Variants in THSD7B observed in about 807,000 individuals in gnomAD.
THSD7B encodes the protein thrombospondin type-1 domain-containing protein 7B.
Under a neutral mutation model 213.6 loss-of-function variants are expected in THSD7B, and 138 were observed. The observed-to-expected ratio is 0.65, with a 90% CI of 0.56 to 0.74. THSD7B has a LOEUF of 0.74. Ranked by LOEUF, THSD7B falls within the 30% of genes least tolerant of loss-of-function variation. THSD7B has a pLI of 0.00. For synonymous variants in THSD7B, 742 were observed against 687.0 expected (o/e 1.08, Z -1.25); for missense variants, 1,931 against 1,991.5 (o/e 0.97, Z 0.58).
chr2:137,477,890 G>A (rs1328465070), intron 15 of THSD7B, among the ~76,000 whole-genome samples: 2 of 151,464 alleles, frequency 1.3e-5, no homozygotes, highest in Admixed American at 1.3e-4. Flanking sequence ...TTTTCTTTCA[G>A]CATTTTGAAT....
chr2:137,267,957 C>T (rs1682635685), intron 10 of THSD7B, among the ~76,000 whole-genome samples: 1 of 152,138 alleles, frequency 6.6e-6, no homozygotes, highest in African/African-American at 2.4e-5. Flanking sequence ...TGGCCTTTGC[C>T]CATCTTCTCT....
chr2:137,061,145 T>C (rs1181493052), intron 3 of THSD7B, among the ~76,000 whole-genome samples: 1 of 151,886 alleles, frequency 6.6e-6, no homozygotes, highest in Non-Finnish European at 1.5e-5. Context: ...ATTGCAATTG[T>C]GCATTGCTGG....
intron 1 of THSD7B, among the ~76,000 whole-genome samples, chr2:136,804,956 C>A (rs901379899): frequency 6.6e-6 from 1 of 152,054 alleles, no homozygotes; most frequent in African/African-American, 2.4e-5. Context: ...TGGAGTTGGG[C>A]AACACAGGTC....
chr2:136,875,991 T>A (rs556981546), intron 1 of THSD7B, among the ~76,000 whole-genome samples: 1 of 152,314 alleles, frequency 6.6e-6, no homozygotes, highest in South Asian at 2.1e-4. Flanking sequence ...AAGATATGCT[T>A]TTGGCCCTCC....
chr2:136,886,984 A>G (rs1683730024), intron 2 of THSD7B, among the ~76,000 whole-genome samples: 3 of 152,162 alleles, frequency 2.0e-5, no homozygotes, highest in Non-Finnish European at 1.5e-5. Flanking sequence ...AGAAATGAAG[A>G]GATTAGCTTG....
In THSD7B at chr2:136,807,509, GTTT is replaced by G. The variant is rs777353589; in HGVS notation, c.-36+41836_-36+41838del. Among the ~76,000 whole-genome samples the G allele has an allele frequency of 1.6e-3, 167 of 104,888 alleles. 3 individuals carry two copies. Among genetic ancestry groups the G allele is most frequent in the East Asian group, 0.016 (51 of 3,228 alleles). 68.8% of individuals were successfully genotyped at this position (104,888 alleles called of 152,430 possible). ...ACTTCCTAGCACTACAAAATGTTTC[GTTT>G]TTTTTTTTTTTTTGAGACGGAGTCT... On this transcript the variant is annotated intron_variant, in intron 1 of 27. Transcript: ENST00000409968.
chr2:136,905,604 T>G (rs1028212448), intron 2 of THSD7B, among the ~76,000 whole-genome samples: 14 of 152,228 alleles, frequency 9.2e-5, no homozygotes, highest in Admixed American at 5.2e-4. Flanking sequence ...CCTAATCATG[T>G]TGGTGCTTAT....
intron 7 of THSD7B, among the ~76,000 whole-genome samples, chr2:137,194,606 T>C (rs1438457569): frequency 3.3e-5 from 5 of 152,224 alleles, no homozygotes; most frequent in Non-Finnish European, 2.9e-5. Context: ...CCTTTGAGTC[T>C]TTCAGTGTTG....
chr2:137,156,765 C>A (rs1405206170), intron 5 of THSD7B, among the ~76,000 whole-genome samples: 2 of 152,148 alleles, frequency 1.3e-5, no homozygotes, highest in Non-Finnish European at 2.9e-5. Flanking sequence ...CACAGACATG[C>A]TGGGAGCTTC....
intron 3 of THSD7B, among the ~76,000 whole-genome samples, chr2:137,079,312 A>C (rs1264513835): frequency 6.6e-6 from 1 of 152,106 alleles, no homozygotes; most frequent in African/African-American, 2.4e-5. Flanking sequence ...CCTATTTTGT[A>C]CCAAAAATAG....
intron 21 of THSD7B, among the ~76,000 whole-genome samples, chr2:137,643,256 G>GA (rs1682971511): frequency 6.6e-6 from 1 of 152,122 alleles, no homozygotes; most frequent in Non-Finnish European, 1.5e-5. Context: ...TCTTGCTTAA[G>GA]AAATAGCACA....
intron 17 of THSD7B, among the ~76,000 whole-genome samples, chr2:137,578,945 A>T (rs904723678): frequency 1.3e-5 from 2 of 152,220 alleles, no homozygotes; most frequent in African/African-American, 4.8e-5. Context: ...ACGTTTGCAT[A>T]ATTAGAGCCC....
intron 7 of THSD7B, among the ~76,000 whole-genome samples, chr2:137,198,564 A>G (rs1354578684): frequency 1.3e-5 from 2 of 152,168 alleles, no homozygotes; most frequent in East Asian, 1.9e-4. Context: ...TTCAGCTGCT[A>G]GCTTTCAACC....
At chr2:137,308,009 C>G (rs563579475) in intron 12 of THSD7B, among the ~76,000 whole-genome samples, 1 of 151,900 alleles carries the variant, frequency 6.6e-6, no homozygotes, top group African/African-American at 2.4e-5. Flanking sequence ...TTCTACCATG[C>G]GAGTCCTTTA....
At position 137,242,536 on chromosome 2, in the gene THSD7B, A is replaced by T; in HGVS notation, c.2230A>T (p.Ser744Cys). The T allele has an allele frequency of 1.2e-6, 2 of 1,613,864 alleles. No homozygotes were observed. The highest frequency in any genetic ancestry group is 1.7e-6 in the Non-Finnish European group (2 of 1,179,810). The change falls in exon 10 of 28, where the codon AGT (serine) becomes TGT (cysteine). Residue 744 changes from serine (S) to cysteine (C), a missense_variant. By Grantham distance (112) the Ser-to-Cys change is moderately radical. Coordinates refer to ENST00000409968, the MANE Select transcript of THSD7B (RefSeq NM_001316349.2). ...CKKDCIVTAFSEWTPCPRMCQ... is the reference protein window; with the variant it reads ...CKKDCIVTAFCEWTPCPRMCQ... ...AAAAGACTGTATTGTGACTGCTTTC[A>T]GTGAGTGGACACCCTGCCCAAGGAT...
chr2:137,655,753 T>G, intron 22 of THSD7B, 93 bp downstream of exon 22: 1 of 1,340,308 alleles, frequency 7.5e-7, no homozygotes. Flanking sequence ...CTCATCAAAA[T>G]TAAAGTTTTT....
chr2:136,801,150 C>T (rs912970925), intron 1 of THSD7B, among the ~76,000 whole-genome samples: 11 of 152,030 alleles, frequency 7.2e-5, no homozygotes, highest in African/African-American at 2.4e-4. Flanking sequence ...TTTACTCCGA[C>T]AAATGATGTA....
intron 12 of THSD7B, among the ~76,000 whole-genome samples, chr2:137,304,045 G>C (rs1026914320): frequency 6.6e-6 from 1 of 151,684 alleles, no homozygotes; most frequent in African/African-American, 2.4e-5. Context: ...TTATGAAGGA[G>C]AACATGTGGT....
At chr2:137,276,097 T>A in intron 12 of THSD7B, 71 bp downstream of exon 12, 1 of 1,078,146 alleles carries the variant, frequency 9.3e-7, no homozygotes, top group Non-Finnish European at 1.3e-6. Context: ...TATGTGTTGC[T>A]TACTTTTATA....
Sources: gnomAD v4.1 joint callset for allele counts (sites outside exome capture counted in the v4.1 genomes callset) on GRCh38, gnomAD v4.1.1 for gene constraint, MANE v1.5 for transcripts, NCBI Gene and HGNC (gene_info 2026-07-23, HGNC 2026-07-21) for gene names.